KLHL22: variants seen among roughly 807,000 people sequenced by gnomAD.
KLHL22 encodes kelch-like protein 22.
KLHL22 carries 18 observed loss-of-function variants against 60.7 expected under a neutral mutation model. The ratio of observed to expected loss-of-function variants is 0.30; its 90% CI spans 0.20 to 0.44. The LOEUF is 0.44. Ranked by LOEUF, KLHL22 falls within the 20% of genes least tolerant of loss-of-function variation. KLHL22 has a pLI of 1.00. For synonymous variants in KLHL22, 355 were observed against 354.5 expected (o/e 1.00, Z -0.01); for missense variants, 596 against 852.3 (o/e 0.70, Z 3.74).
intron 5 of KLHL22, among the ~76,000 whole-genome samples, chr22:20,452,317 C>A (rs576118875): frequency 5.5e-4 from 83 of 151,744 alleles, no homozygotes; most frequent in Non-Finnish European, 9.9e-4. Context: ...AGGGGCAACA[C>A]AGTTCCATTC....
intron 2 of KLHL22, among the ~76,000 whole-genome samples, chr22:20,476,426 T>G (rs2146255762): frequency 6.8e-6 from 1 of 147,628 alleles, no homozygotes; most frequent in Non-Finnish European, 1.5e-5. Flanking sequence ...TTTTTTTTTT[T>G]TTTTTTGAGA....
intron 4 of KLHL22, among the ~76,000 whole-genome samples, chr22:20,464,015 CTT>C (rs2053192836): frequency 2.6e-5 from 4 of 152,230 alleles, no homozygotes; most frequent in Admixed American, 2.6e-4. Context: ...ACAGCTCCAT[CTT>C]TCAGCATGAA....
At chr22:20,473,985 T>A (rs1369329220) in intron 2 of KLHL22, among the ~76,000 whole-genome samples, 1 of 152,238 alleles carries the variant, frequency 6.6e-6, no homozygotes, top group Non-Finnish European at 1.5e-5. Context: ...GGCAGTCATA[T>A]TCCACATCTC....
intron 3 of KLHL22, among the ~76,000 whole-genome samples, chr22:20,468,730 G>C (rs971902753): frequency 4.9e-4 from 75 of 152,120 alleles, no homozygotes; most frequent in African/African-American, 1.8e-3. Flanking sequence ...GGTGATCACA[G>C]CTTACTGAAG....
intron 1 of KLHL22, 31 bp from the exon 2 acceptor site, chr22:20,489,275 G>A (rs1369947695): frequency 1.3e-6 from 2 of 1,533,636 alleles, no homozygotes; most frequent in Non-Finnish European, 1.8e-6. Context: ...GGACAGGGGT[G>A]AGCAGGCAGG....
intron 2 of KLHL22, among the ~76,000 whole-genome samples, chr22:20,473,598 G>A (rs769489319): frequency 6.6e-6 from 1 of 152,196 alleles, no homozygotes; most frequent in Non-Finnish European, 1.5e-5. Context: ...AGGTTAGGCC[G>A]GGCACAGTGG....
At position 20,495,329 on chromosome 22, in the gene KLHL22, A is replaced by G. The variant is rs2053751708; in HGVS notation, c.-34+431T>C. On this transcript the variant is annotated intron_variant, in intron 1 of 6. Transcript: ENST00000328879. The surrounding 1 kb of genome is among the most constrained non-coding windows in gnomAD (Gnocchi z 4.6). ...CCTACGGCTGCAGTCCCCGGGCCCG[A>G]TCGAGGGAACTGAGGCTCGTCAGGC... 6.6e-6 allele frequency among the ~76,000 whole-genome samples: 1 copy of G among 152,152 alleles called. No homozygotes were observed. The highest frequency in any genetic ancestry group is 6.5e-5 in the Admixed American group (1 of 15,280).
intron 2 of KLHL22, among the ~76,000 whole-genome samples, chr22:20,471,987 C>T (rs1245779887): frequency 6.6e-6 from 1 of 152,218 alleles, no homozygotes; most frequent in East Asian, 1.9e-4. Context: ...TGACTCACAC[C>T]TGTAATCCCA....
At chr22:20,452,573 A>C (rs1420660289) in intron 5 of KLHL22, among the ~76,000 whole-genome samples, 1 of 152,180 alleles carries the variant, frequency 6.6e-6, no homozygotes, top group African/African-American at 2.4e-5. Flanking sequence ...CACACTGGAG[A>C]CAGCATAAAA....
intron 2 of KLHL22, among the ~76,000 whole-genome samples, chr22:20,477,281 C>T (rs2053430183): frequency 6.6e-6 from 1 of 151,924 alleles, no homozygotes; most frequent in East Asian, 2.0e-4. Context: ...ATCTCAGCTA[C>T]TTGGGTGGTT....
At chr22:20,450,245 A>G (rs2052954300) in intron 5 of KLHL22, 2 of 880,992 alleles carry the variant, frequency 2.3e-6, no homozygotes, top group Non-Finnish European at 3.9e-6. Context: ...TAGAGCAGAA[A>G]GACTTTCCTG....
At chr22:20,488,686 G>GGGGAGGGGAGGGGAGAGGAGGGGAT in intron 2 of KLHL22, 1 of 459,278 alleles carries the variant, frequency 2.2e-6, no homozygotes. Flanking sequence ...TGGTAAGGGA[G>GGGGAGGGGAGGGGAGAGGAGGGGAT]GGGAGGAGAG....
intron 4 of KLHL22, among the ~76,000 whole-genome samples, chr22:20,458,817 G>A (rs1276090190): frequency 2.0e-5 from 3 of 151,986 alleles, no homozygotes; most frequent in Admixed American, 6.6e-5. Context: ...TGCCAGCCCC[G>A]CGTTTCCTGA....
chr22:20,460,191 C>G (rs552768334), intron 4 of KLHL22, among the ~76,000 whole-genome samples: 15 of 152,368 alleles, frequency 9.8e-5, no homozygotes, highest in African/African-American at 3.4e-4. Flanking sequence ...TCACCATCTG[C>G]ACCCCAAGTG....
chr22:20,446,690 C>A lies in KLHL22; in HGVS notation c.1306-14G>T. 6.2e-7 allele frequency: 1 copy of A among 1,602,490 alleles called. No individual in the cohort carries two copies. Among genetic ancestry groups the A allele is most frequent in the Non-Finnish European group, 8.5e-7 (1 of 1,175,714 alleles). ...GTGGGCATACACCTGTGTGGAGCCA[C>A]CAGGAGAAATGGCGTGAGAGGGCAG... On this transcript the variant is annotated splice_polypyrimidine_tract_variant and intron_variant, in intron 5 of 6. Transcript: ENST00000328879.
At chr22:20,494,854 TTTCAG>T (rs1451546375) in intron 1 of KLHL22, among the ~76,000 whole-genome samples, 1 of 152,238 alleles carries the variant, frequency 6.6e-6, no homozygotes, top group African/African-American at 2.4e-5. Context: ...TCAGAGGAAC[TTTCAG>T]TTCGGTACGA....
intron 2 of KLHL22, chr22:20,483,509 C>G: frequency 1.4e-6 from 1 of 730,798 alleles, no homozygotes; most frequent in South Asian, 1.3e-5. Flanking sequence ...ATCTCTGTCT[C>G]CAGCTACAGC....
rs1049170891 is a variant in KLHL22, at chr22:20,441,905, C to T, written c.*168G>A. On this transcript the variant is annotated 3_prime_UTR_variant, in exon 7 of 7. Coordinates refer to ENST00000328879, the MANE Select transcript of KLHL22 (RefSeq NM_032775.4). ...GATCTGCATGGCCCTGAGATGCCTGCGGCAGGCTGGCCAAGGGGCTGGTGT... is the reference window on the plus strand; with the variant it reads ...GATCTGCATGGCCCTGAGATGCCTGTGGCAGGCTGGCCAAGGGGCTGGTGT... The T allele has an allele frequency of 2.7e-5, 16 of 582,484 alleles. No individual in the cohort carries two copies. The highest frequency in any genetic ancestry group is 6.4e-5 in the East Asian group (2 of 31,222). The allele number at this position is 582,484 out of a possible 1,614,324, so 36.1% of individuals were successfully genotyped here.
rs911087578 is a variant in KLHL22, at chr22:20,441,538, A to T, written c.*535T>A. 1 of 167,424 alleles carries T rather than the reference A, an allele frequency of 6.0e-6. No individual in the cohort carries two copies. The highest frequency in any genetic ancestry group is 1.5e-5 in the Non-Finnish European group (1 of 68,662). The allele number at this position is 167,424 out of a possible 1,614,324, so 10.4% of individuals were successfully genotyped here. On this transcript the variant is annotated 3_prime_UTR_variant, in exon 7 of 7. Transcript: ENST00000328879. Reference sequence around the variant, plus strand: ...CAGAAAAACAGTTAACACCTTCTGTAAGATGCTTTATTTCATTGACCAACA... The same window carrying T: ...CAGAAAAACAGTTAACACCTTCTGTTAGATGCTTTATTTCATTGACCAACA...
Sources: gnomAD v4.1 joint callset for allele counts (sites outside exome capture counted in the v4.1 genomes callset) on GRCh38, gnomAD v4.1.1 for gene constraint, Gnocchi (gnomAD v3.1) non-coding constraint, MANE v1.5 for transcripts, NCBI Gene and HGNC (gene_info 2026-07-23, HGNC 2026-07-21) for gene names.